The following MAPKAP1 variants were observed in gnomAD, a reference collection of about 807,000 sequenced individuals.
The protein encoded by MAPKAP1 is target of rapamycin complex 2 subunit MAPKAP1.
MAPKAP1 carries 20 observed loss-of-function variants against 65.7 expected under a neutral mutation model. That is an observed-to-expected ratio of 0.30 (90% CI 0.21 to 0.44). MAPKAP1 has a LOEUF of 0.44. MAPKAP1 is among the 20% of genes least tolerant of loss of function. The probability of loss-of-function intolerance (pLI) is 1.00; values close to 1 mark genes in which losing one functional copy is unlikely to be tolerated. For missense variants in MAPKAP1, 423 were observed against 648.0 expected (o/e 0.65, Z 3.77); for synonymous variants, 222 against 244.3 (o/e 0.91, Z 0.85).
intron 5 of MAPKAP1, among the ~76,000 whole-genome samples, chr9:125,570,414 A>G (rs545566963): frequency 6.6e-6 from 1 of 152,344 alleles, no homozygotes; most frequent in Admixed American, 6.5e-5. Flanking sequence ...ACAGCTAGGT[A>G]AGGCCTGGGG....
intron 1 of MAPKAP1, among the ~76,000 whole-genome samples, chr9:125,697,467 G>C (rs1235001184): frequency 6.6e-6 from 1 of 152,020 alleles, no homozygotes; most frequent in South Asian, 2.1e-4. Context: ...ATACTTTATA[G>C]AGTGTCATAT....
At chr9:125,561,160 A>T (rs1417302334) in intron 5 of MAPKAP1, among the ~76,000 whole-genome samples, 1 of 152,184 alleles carries the variant, frequency 6.6e-6, no homozygotes, top group East Asian at 1.9e-4. Flanking sequence ...ATCTATATAG[A>T]TCATTTTTTG....
chr9:125,665,827 A>G (rs951527625), intron 3 of MAPKAP1, among the ~76,000 whole-genome samples: 1 of 152,226 alleles, frequency 6.6e-6, no homozygotes, highest in Non-Finnish European at 1.5e-5. Flanking sequence ...TAGAAGTTAC[A>G]CAAAACTTCA....
At chr9:125,703,736 C>T (rs993288505) in intron 1 of MAPKAP1, among the ~76,000 whole-genome samples, 1 of 148,510 alleles carries the variant, frequency 6.7e-6, no homozygotes, top group East Asian at 2.0e-4. Context: ...CATGCCACTG[C>T]ACTCCACCCT....
rs868550621 is a variant in MAPKAP1, at chr9:125,438,898, C to T, written c.1558G>A (p.Gly520Arg). ...SFSFQKEKKS[G>R]QQ ...GCTGGAGGCCAGTGTCACTGCTGCCCGGATTTCTTCTCCTTCTGGAAGCTG... is the reference window on the plus strand; with the variant it reads ...GCTGGAGGCCAGTGTCACTGCTGCCTGGATTTCTTCTCCTTCTGGAAGCTG... The change falls in exon 12 of 12, where the codon GGG (glycine) becomes AGG (arginine). Residue 520 changes from glycine to arginine, a missense_variant. This residue lies in a region of MAPKAP1 where 185 missense variants were observed against 268.1 expected (regional missense o/e 0.69). Transcript: ENST00000265960. 2.5e-6 allele frequency: 4 copies of T among 1,614,162 alleles called. No individual in the cohort carries two copies. The highest frequency in any genetic ancestry group is 3.4e-6 in the Non-Finnish European group (4 of 1,180,008).
intron 7 of MAPKAP1, among the ~76,000 whole-genome samples, chr9:125,510,236 T>C (rs1414669802): frequency 6.6e-6 from 1 of 152,190 alleles, no homozygotes; most frequent in Non-Finnish European, 1.5e-5. Flanking sequence ...CTAGTCTGCC[T>C]TGAACCCTCC....
At chr9:125,486,263 A>G (rs926881131) in intron 8 of MAPKAP1, among the ~76,000 whole-genome samples, 1 of 152,212 alleles carries the variant, frequency 6.6e-6, no homozygotes, top group East Asian at 1.9e-4. Flanking sequence ...GCAAAGTTAA[A>G]CTATCTCTCA....
intron 1 of MAPKAP1, among the ~76,000 whole-genome samples, chr9:125,703,470 A>G (rs897427578): frequency 6.6e-6 from 1 of 152,154 alleles, no homozygotes; most frequent in African/African-American, 2.4e-5. Context: ...GGCACCTCCC[A>G]TAGGGAAAAA....
At chr9:125,475,585 C>G (rs540141797) in intron 9 of MAPKAP1, among the ~76,000 whole-genome samples, 1 of 152,162 alleles carries the variant, frequency 6.6e-6, no homozygotes, top group African/African-American at 2.4e-5. Context: ...GGCCTGGACA[C>G]GAACGAACGC....
rs377130634 is a variant in MAPKAP1, at chr9:125,579,329, T to G, written c.671+6226A>C. On this transcript the variant is annotated intron_variant, in intron 5 of 11. Coordinates refer to ENST00000265960, the MANE Select transcript of MAPKAP1 (RefSeq NM_001006617.3). ...TTTTTGAGACAAAGTTTTGCTCTTG[T>G]TGCCCAGGCTGGAGTGCAATGGCGT... Among the ~76,000 whole-genome samples the G allele has an allele frequency of 3.1e-3, 472 of 152,356 alleles. 2 individuals carry two copies. The highest frequency in any genetic ancestry group is 6.8e-3 in the Middle Eastern group (2 of 294).
chr9:125,679,003 A>C (rs1834739094), intron 1 of MAPKAP1, among the ~76,000 whole-genome samples: 1 of 27,820 alleles, frequency 3.6e-5, no homozygotes. Flanking sequence ...TAATAAACAC[A>C]ATTTTTTTTT....
At chr9:125,470,824 G>A (rs1039492935) in intron 9 of MAPKAP1, among the ~76,000 whole-genome samples, 14 of 152,192 alleles carry the variant, frequency 9.2e-5, no homozygotes, top group African/African-American at 2.7e-4. Flanking sequence ...ATGTGAATCA[G>A]ATTTTTTTTT....
chr9:125,494,659 C>G (rs1270608480), intron 8 of MAPKAP1, among the ~76,000 whole-genome samples: 8 of 152,192 alleles, frequency 5.3e-5, no homozygotes, highest in Non-Finnish European at 1.2e-4. Context: ...AGCACACTCT[C>G]CCTCATTCCA....
At chr9:125,465,986 T>C (rs1853656487) in intron 10 of MAPKAP1, among the ~76,000 whole-genome samples, 1 of 152,094 alleles carries the variant, frequency 6.6e-6, no homozygotes, top group Admixed American at 6.6e-5. Context: ...AGCCCAAATG[T>C]GAGATGGGAA....
intron 5 of MAPKAP1, among the ~76,000 whole-genome samples, chr9:125,573,993 C>T (rs1831319049): frequency 6.6e-6 from 1 of 152,224 alleles, no homozygotes. Flanking sequence ...CGAGACCATG[C>T]CTGGCTCTAC....
At chr9:125,566,893 C>T (rs1257953871) in intron 5 of MAPKAP1, among the ~76,000 whole-genome samples, 1 of 152,212 alleles carries the variant, frequency 6.6e-6, no homozygotes, top group Admixed American at 6.5e-5. Flanking sequence ...TACTTGAACA[C>T]TTTGTTTAGA....
At chr9:125,535,788 G>T (rs993872619) in intron 7 of MAPKAP1, among the ~76,000 whole-genome samples, 13 of 152,044 alleles carry the variant, frequency 8.6e-5, no homozygotes, top group African/African-American at 3.1e-4. Context: ...TATTAAATTG[G>T]CGGTGCTCTA....
chr9:125,565,995 C>T (rs184763499), intron 5 of MAPKAP1, among the ~76,000 whole-genome samples: 3 of 152,246 alleles, frequency 2.0e-5, no homozygotes, highest in Admixed American at 2.0e-4. Context: ...AAATAAAATA[C>T]ATCAGCAGGT....
intron 7 of MAPKAP1, among the ~76,000 whole-genome samples, chr9:125,508,173 A>G (rs548687234): frequency 1.1e-4 from 17 of 151,688 alleles, no homozygotes; most frequent in South Asian, 4.2e-4. Flanking sequence ...GTCTCTTGGG[A>G]AAAAAAAAGT....
Sources: allele counts gnomAD v4.1 joint callset (sites outside exome capture counted in the v4.1 genomes callset), GRCh38; gene constraint gnomAD v4.1.1; regional missense constraint gnomAD v4.1.1; transcripts MANE v1.5; gene names NCBI Gene and HGNC (gene_info 2026-07-23, HGNC 2026-07-21).